Variants in LRRIQ3 observed in about 807,000 individuals in gnomAD.
LRRIQ3 encodes the protein leucine-rich repeat and IQ domain-containing protein 3.
Under a neutral mutation model 59.3 loss-of-function variants are expected in LRRIQ3, and 75 were observed. That is an observed-to-expected ratio of 1.26 (90% CI 1.05 to 1.53). The LOEUF is 1.53. LRRIQ3 is among the 40% of genes most tolerant of loss of function. The pLI, the probability that LRRIQ3 is intolerant of heterozygous loss-of-function variation, is 0.00. For missense variants in LRRIQ3, 831 were observed against 710.0 expected (o/e 1.17, Z -1.94); for synonymous variants, 250 against 231.3 (o/e 1.08, Z -0.73).
In LRRIQ3 at chr1:74,048,030, G is replaced by A. The variant is rs1366428756; in HGVS notation, c.998-6097C>T. On this transcript the variant is annotated intron_variant, in intron 6 of 7. Transcript: ENST00000354431. Reference sequence around the variant, plus strand: ...AGATGGTGGTTTTCTAAAAGGCAGAGAGCCCTCACTAGAAACTTACCATGT... The same window carrying A: ...AGATGGTGGTTTTCTAAAAGGCAGAAAGCCCTCACTAGAAACTTACCATGT... 2.0e-5 allele frequency among the ~76,000 whole-genome samples: 3 copies of A among 152,224 alleles called. No homozygotes were observed. The East Asian group carries it at 5.8e-4, about 29-fold the overall frequency.
chr1:74,036,837 T>A (rs1205759167), intron 7 of LRRIQ3, among the ~76,000 whole-genome samples: 2 of 152,134 alleles, frequency 1.3e-5, no homozygotes, highest in Non-Finnish European at 2.9e-5. Flanking sequence ...CAGAAAAAAA[T>A]GTGCAGGGCA....
At chr1:74,087,858 G>A (rs1267033514) in intron 5 of LRRIQ3, among the ~76,000 whole-genome samples, 2 of 152,002 alleles carry the variant, frequency 1.3e-5, no homozygotes, top group Non-Finnish European at 2.9e-5. Context: ...CAGCACCTTG[G>A]GAGGCTGAGG....
At chr1:74,153,355 C>T (rs1388817613) in intron 4 of LRRIQ3, among the ~76,000 whole-genome samples, 1 of 152,038 alleles carries the variant, frequency 6.6e-6, no homozygotes, top group African/African-American at 2.4e-5. Context: ...TTTCAAAGTA[C>T]AAAATATTTG....
intron 1 of LRRIQ3, among the ~76,000 whole-genome samples, chr1:74,190,699 A>C (rs1650707265): frequency 6.6e-6 from 1 of 151,966 alleles, no homozygotes; most frequent in Admixed American, 6.6e-5. Context: ...AAAAAAAAAC[A>C]ACCTCACACC....
At chr1:74,067,175 A>C (rs1654890383) in intron 6 of LRRIQ3, among the ~76,000 whole-genome samples, 1 of 152,114 alleles carries the variant, frequency 6.6e-6, no homozygotes, top group African/African-American at 2.4e-5. Flanking sequence ...AGTATCTCTC[A>C]ATCAGGTCTG....
At chr1:74,065,189 G>T (rs1654833238) in intron 6 of LRRIQ3, among the ~76,000 whole-genome samples, 1 of 151,958 alleles carries the variant, frequency 6.6e-6, no homozygotes, top group Non-Finnish European at 1.5e-5. Flanking sequence ...TATTTTTATT[G>T]CCTTCCTTAT....
At chr1:74,036,113 T>G (rs1178656762) in intron 7 of LRRIQ3, among the ~76,000 whole-genome samples, 1 of 152,106 alleles carries the variant, frequency 6.6e-6, no homozygotes, top group East Asian at 1.9e-4. Flanking sequence ...AGGCTTCTCT[T>G]TGAAGGTTTT....
intron 5 of LRRIQ3, among the ~76,000 whole-genome samples, chr1:74,079,315 C>T (rs1260523181): frequency 1.3e-5 from 2 of 151,636 alleles, no homozygotes; most frequent in Admixed American, 6.6e-5. Flanking sequence ...AGATTTAATG[C>T]AGACTCTTGA....
intron 1 of LRRIQ3, among the ~76,000 whole-genome samples, chr1:74,186,768 TTTTCAG>T (rs1188534403): frequency 1.3e-5 from 2 of 152,138 alleles, no homozygotes; most frequent in African/African-American, 4.8e-5. Flanking sequence ...AACAGTTTAC[TTTTCAG>T]TTTCAATCAA....
At chr1:74,037,779 C>T (rs1481257437) in intron 7 of LRRIQ3, among the ~76,000 whole-genome samples, 1 of 152,198 alleles carries the variant, frequency 6.6e-6, no homozygotes, top group Non-Finnish European at 1.5e-5. Flanking sequence ...GGAGCCCCCA[C>T]ACCCCAGTCA....
chr1:74,066,187 G>GAAAAA (rs71772871), intron 6 of LRRIQ3, among the ~76,000 whole-genome samples: 1 of 119,888 alleles, frequency 8.3e-6, no homozygotes, highest in African/African-American at 3.2e-5. Flanking sequence ...ACTCTGTCTC[G>GAAAAA]AAAAAAAAAA....
At chr1:74,137,809 T>C (rs1647149474) in intron 4 of LRRIQ3, among the ~76,000 whole-genome samples, 1 of 151,988 alleles carries the variant, frequency 6.6e-6, no homozygotes, top group South Asian at 2.1e-4. Flanking sequence ...TGGATGAAGC[T>C]GGAAACTATC....
chr1:74,194,250 C>T (rs1274146624), intron 1 of LRRIQ3, among the ~76,000 whole-genome samples: 1 of 151,918 alleles, frequency 6.6e-6, no homozygotes, highest in Admixed American at 6.6e-5. Context: ...AAAGAATTGC[C>T]ATAATTTTAT....
At chr1:74,074,812 A>G (rs769918084) in intron 5 of LRRIQ3, 22 bp from the exon 6 acceptor site, 5 of 1,174,948 alleles carry the variant, frequency 4.3e-6, no homozygotes, top group Non-Finnish European at 4.6e-6. Flanking sequence ...AAATAAAAGC[A>G]ATGACAATGA....
chr1:74,064,805 T>C (rs1377885453), intron 6 of LRRIQ3, among the ~76,000 whole-genome samples: 3 of 152,070 alleles, frequency 2.0e-5, no homozygotes, highest in Admixed American at 6.6e-5. Context: ...ATTATTCTCA[T>C]TGGAGTTCCT....
intron 5 of LRRIQ3, among the ~76,000 whole-genome samples, chr1:74,106,822 AT>A (rs961783003): frequency 2.0e-5 from 3 of 151,970 alleles, no homozygotes; most frequent in African/African-American, 7.2e-5. Flanking sequence ...TTTTCCTTCA[AT>A]TGGATTTAAT....
Position 74,026,824 on chromosome 1 carries a change from G to T in LRRIQ3, c.1864C>A (p.Leu622Met), listed in dbSNP as rs1377543015. Residue 622 changes from leucine to methionine, a missense_variant, in exon 8 of 8, where the codon CTG becomes ATG. By Grantham distance (15) the Leu-to-Met change is conservative. Transcript: ENST00000354431. ...GATCTGGCATTGATTCATTTTATCA[G>T]TCCATTGGGAACTTTAAAGTCTAAA... ...TNLDFKVPNGLIK is the reference protein window; with the variant it reads ...TNLDFKVPNGMIK The T allele has an allele frequency of 2.5e-6, 4 of 1,604,644 alleles. No homozygotes were observed. The highest frequency in any genetic ancestry group is 3.4e-6 in the Non-Finnish European group (4 of 1,176,420).
At chr1:74,096,927 A>G (rs992202408) in intron 5 of LRRIQ3, among the ~76,000 whole-genome samples, 18 of 152,064 alleles carry the variant, frequency 1.2e-4, no homozygotes, top group Non-Finnish European at 2.6e-4. Flanking sequence ...TCAGAGGGGT[A>G]CCCGGCTGTG....
chr1:74,038,128 C>T (rs541595968), intron 7 of LRRIQ3, among the ~76,000 whole-genome samples: 1 of 152,194 alleles, frequency 6.6e-6, no homozygotes, highest in African/African-American at 2.4e-5. Context: ...CCTGATGGAG[C>T]CAGGGAGTCT....
Sources: allele counts gnomAD v4.1 joint callset (sites outside exome capture counted in the v4.1 genomes callset), GRCh38; gene constraint gnomAD v4.1.1; transcripts MANE v1.5; gene names NCBI Gene and HGNC (gene_info 2026-07-23, HGNC 2026-07-21).